The following FMN2 variants were observed in gnomAD, a reference collection of about 807,000 sequenced individuals.
FMN2 encodes formin 2.
In FMN2, 51 loss-of-function variants were observed where a neutral mutation model predicts 142.3. The observed-to-expected ratio is 0.36, with a 90% confidence interval of 0.29 to 0.45. The LOEUF is 0.45. Among genes scored for constraint, FMN2 ranks in the 20% least tolerant of loss-of-function variants. The pLI is 1.00. For synonymous variants in FMN2, 882 were observed against 869.8 expected (o/e 1.01, Z -0.25); for missense variants, 1,936 against 2,122.8 (o/e 0.91, Z 1.73).
intron 1 of FMN2, among the ~76,000 whole-genome samples, chr1:240,121,244 C>T (rs986938565): frequency 6.6e-6 from 1 of 152,178 alleles, no homozygotes; most frequent in Non-Finnish European, 1.5e-5. Flanking sequence ...CAGTAGAAAA[C>T]TGATGCCTGA....
intron 2 of FMN2, chr1:240,143,205 C>T (rs1663270790): frequency 6.3e-7 from 1 of 1,591,080 alleles, no homozygotes; most frequent in African/African-American, 1.3e-5. Context: ...GCCCACCATG[C>T]CCATGGCAAA....
At chr1:240,429,852 C>G (rs909079589) in intron 15 of FMN2, among the ~76,000 whole-genome samples, 1 of 151,464 alleles carries the variant, frequency 6.6e-6, no homozygotes, top group African/African-American at 2.4e-5. Flanking sequence ...ATTAGCAGGG[C>G]TGCTGTGAAC....
chr1:240,199,401 A>C (rs1666046469), intron 4 of FMN2, among the ~76,000 whole-genome samples: 1 of 152,222 alleles, frequency 6.6e-6, no homozygotes, highest in South Asian at 2.1e-4. Flanking sequence ...AAGATGAGCA[A>C]ATTAACTTTT....
At chr1:240,261,250 G>A (rs1273265191) in intron 7 of FMN2, among the ~76,000 whole-genome samples, 1 of 151,768 alleles carries the variant, frequency 6.6e-6, no homozygotes, top group African/African-American at 2.4e-5. Flanking sequence ...TTATCGATAG[G>A]CAAAATAAGA....
intron 1 of FMN2, among the ~76,000 whole-genome samples, chr1:240,119,886 T>C (rs1313619767): frequency 1.3e-5 from 2 of 152,214 alleles, no homozygotes; most frequent in Non-Finnish European, 2.9e-5. Context: ...GTCTTAGGGC[T>C]ATTTTCAGTA....
chr1:240,330,717 A>G lies in FMN2; in HGVS notation c.4552A>G (p.Ile1518Val). 1.2e-6 allele frequency: 2 copies of G among 1,614,016 alleles called. No individual in the cohort carries two copies. Among genetic ancestry groups the G allele is most frequent in the Non-Finnish European group, 1.7e-6 (2 of 1,179,912 alleles). ...RGQADGFGLD[I>V]LPKLKDVKSS... Reference sequence around the variant, plus strand: ...ACAGGCAGATGGCTTTGGATTAGACATTCTTCCAAAACTGAAAGATGTCAA... The same window carrying G: ...ACAGGCAGATGGCTTTGGATTAGACGTTCTTCCAAAACTGAAAGATGTCAA... The change falls in exon 11 of 18, where the codon ATT becomes GTT. Residue 1518 changes from isoleucine to valine, a missense_variant. This residue lies in a region of FMN2 where 322 missense variants were observed against 401.6 expected (regional missense o/e 0.80). Transcript: ENST00000319653.
intron 1 of FMN2, among the ~76,000 whole-genome samples, chr1:240,115,853 T>A (rs1662000897): frequency 6.6e-6 from 1 of 152,204 alleles, no homozygotes; most frequent in African/African-American, 2.4e-5. Context: ...GGCTTCTGAC[T>A]GGCTATTTTT....
At chr1:240,161,062 G>A in intron 2 of FMN2, among the ~76,000 whole-genome samples, 1 of 152,082 alleles carries the variant, frequency 6.6e-6, no homozygotes, top group East Asian at 1.9e-4. Context: ...ACTTCATTGA[G>A]AAAAATCAGA....
chr1:240,299,886 A>G (rs888487154), intron 8 of FMN2, among the ~76,000 whole-genome samples: 7 of 152,154 alleles, frequency 4.6e-5, no homozygotes, highest in African/African-American at 1.2e-4. Context: ...CCATGTTTTC[A>G]GTTGCTAATA....
chr1:240,454,817 C>T (rs9442204), intron 16 of FMN2, among the ~76,000 whole-genome samples: 1 of 151,998 alleles, frequency 6.6e-6, no homozygotes. Flanking sequence ...GGAGCCTGAA[C>T]TTGAGGCTAC....
chr1:240,214,550 CA>C (rs35698298), intron 6 of FMN2, among the ~76,000 whole-genome samples: 40,342 of 121,882 alleles, frequency 0.33, 5,813 homozygotes, highest in Non-Finnish European at 0.39. Flanking sequence ...GACTCCATCT[CA>C]AAAAAAAAAA....
intron 4 of FMN2, among the ~76,000 whole-genome samples, chr1:240,197,873 T>C (rs1167277578): frequency 6.6e-6 from 1 of 151,088 alleles, no homozygotes; most frequent in Non-Finnish European, 1.5e-5. Context: ...TTCACCATGT[T>C]GGCCAGGCTG....
chr1:240,151,964 G>C (rs1413796611), intron 2 of FMN2, among the ~76,000 whole-genome samples: 1 of 151,828 alleles, frequency 6.6e-6, no homozygotes, highest in Non-Finnish European at 1.5e-5. Flanking sequence ...ATGGGGTTTT[G>C]CCATGTTGCC....
intron 15 of FMN2, among the ~76,000 whole-genome samples, chr1:240,419,411 T>C (rs1476017350): frequency 1.3e-5 from 2 of 151,184 alleles, no homozygotes; most frequent in African/African-American, 4.9e-5. Context: ...TGTGTCCTTA[T>C]GGGCAAAAAA....
chr1:240,409,569 A>C (rs1319568730), intron 15 of FMN2, among the ~76,000 whole-genome samples: 1 of 152,206 alleles, frequency 6.6e-6, no homozygotes, highest in Non-Finnish European at 1.5e-5. Flanking sequence ...TTATTTTTTA[A>C]TAGATTACAA....
chr1:240,109,403 A>G (rs550981098), intron 1 of FMN2, among the ~76,000 whole-genome samples: 2 of 152,334 alleles, frequency 1.3e-5, no homozygotes, highest in South Asian at 4.1e-4. Flanking sequence ...GAAAGGTTAC[A>G]TGCACCATCA....
At chr1:240,206,715 A>T in intron 4 of FMN2, 84 bp from the exon 5 acceptor site, 2 of 1,444,526 alleles carry the variant, frequency 1.4e-6, no homozygotes, top group South Asian at 2.8e-5. Context: ...ATGACAACAA[A>T]CAGATATAAT....
intron 2 of FMN2, among the ~76,000 whole-genome samples, chr1:240,128,797 T>C (rs1273038787): frequency 6.6e-6 from 1 of 152,162 alleles, no homozygotes; most frequent in Non-Finnish European, 1.5e-5. Flanking sequence ...ACTAATGAAA[T>C]ATGCTCTACT....
At chr1:240,337,153 G>A (rs912357966) in intron 13 of FMN2, among the ~76,000 whole-genome samples, 4 of 145,794 alleles carry the variant, frequency 2.7e-5, no homozygotes, top group Non-Finnish European at 4.5e-5. Flanking sequence ...CAATTACTTT[G>A]AAATAATGTC....
Sources: allele counts gnomAD v4.1 joint callset (sites outside exome capture counted in the v4.1 genomes callset), GRCh38; gene constraint gnomAD v4.1.1; regional missense constraint gnomAD v4.1.1; transcripts MANE v1.5; gene names NCBI Gene and HGNC (gene_info 2026-07-23, HGNC 2026-07-21).